The following PPFIA2 variants were observed in gnomAD, a reference collection of about 807,000 sequenced individuals.
PPFIA2 encodes PPFI scaffold protein A2.
Under a neutral mutation model 175.5 loss-of-function variants are expected in PPFIA2, and 46 were observed. That is an observed-to-expected ratio of 0.26 (90% CI 0.21 to 0.34). The LOEUF (loss-of-function observed/expected upper bound fraction) is 0.34, where lower values mean the gene tolerates loss of function less well. Ranked by LOEUF, PPFIA2 falls within the 10% of genes least tolerant of loss-of-function variation. The pLI, the probability that PPFIA2 is intolerant of heterozygous loss-of-function variation, is 1.00. For synonymous variants in PPFIA2, 568 were observed against 511.4 expected (o/e 1.11, Z -1.49); for missense variants, 1,179 against 1,506.1 (o/e 0.78, Z 3.60).
chr12:81,653,898 T>C (rs2067373766), intron 4 of PPFIA2, among the ~76,000 whole-genome samples: 1 of 152,020 alleles, frequency 6.6e-6, no homozygotes, highest in Non-Finnish European at 1.5e-5. Flanking sequence ...GTGGCATAGT[T>C]TGTATATAAT....
chr12:81,271,779 T>G (rs1838793091), intron 28 of PPFIA2, among the ~76,000 whole-genome samples: 1 of 152,190 alleles, frequency 6.6e-6, no homozygotes, highest in Admixed American at 6.5e-5. Context: ...ATTTAAGTCC[T>G]GCAGATATTA....
chr12:81,339,799 C>A (rs145372711), intron 20 of PPFIA2, among the ~76,000 whole-genome samples: 2 of 152,018 alleles, frequency 1.3e-5, no homozygotes, highest in African/African-American at 4.8e-5. Context: ...CTCTAGCCAT[C>A]GTTCCCTTTC....
At chr12:81,692,981 C>A (rs997466127) in intron 3 of PPFIA2, among the ~76,000 whole-genome samples, 1 of 151,916 alleles carries the variant, frequency 6.6e-6, no homozygotes, top group Non-Finnish European at 1.5e-5. Context: ...TAAAAAGCAA[C>A]TAATTTTTAG....
intron 19 of PPFIA2, among the ~76,000 whole-genome samples, chr12:81,344,320 GCATT>G (rs1484806342): frequency 1.3e-5 from 2 of 149,568 alleles, no homozygotes; most frequent in Non-Finnish European, 3.0e-5. Flanking sequence ...AAAACAACGA[GCATT>G]ATTTATTATA....
At chr12:81,610,878 G>A (rs553802240) in intron 4 of PPFIA2, among the ~76,000 whole-genome samples, 4 of 152,292 alleles carry the variant, frequency 2.6e-5, no homozygotes, top group South Asian at 2.1e-4. Flanking sequence ...TATAAGTTGA[G>A]TATAGTCAGT....
chr12:81,264,691 T>A (rs190397664), intron 30 of PPFIA2, among the ~76,000 whole-genome samples: 35 of 152,316 alleles, frequency 2.3e-4, no homozygotes, highest in African/African-American at 7.9e-4. Context: ...TTTTATATAA[T>A]AACATATATC....
chr12:81,286,254 G>A (rs1012554020), intron 24 of PPFIA2, among the ~76,000 whole-genome samples: 28 of 152,096 alleles, frequency 1.8e-4, no homozygotes, highest in Non-Finnish European at 2.9e-4. Context: ...GTTACCATAA[G>A]CTAAGGCTAA....
intron 4 of PPFIA2, among the ~76,000 whole-genome samples, chr12:81,506,437 T>A (rs375859857): frequency 6.6e-6 from 1 of 152,218 alleles, no homozygotes; most frequent in African/African-American, 2.4e-5. Flanking sequence ...TAGGTATATG[T>A]ATTTTCTCTA....
At chr12:81,652,167 C>A (rs1477395672) in intron 4 of PPFIA2, among the ~76,000 whole-genome samples, 1 of 149,842 alleles carries the variant, frequency 6.7e-6, no homozygotes, top group Non-Finnish European at 1.5e-5. Context: ...TTGAAATTGG[C>A]TATTTGTTTA....
At chr12:81,273,601 G>A (rs957838644) in intron 28 of PPFIA2, among the ~76,000 whole-genome samples, 4 of 152,116 alleles carry the variant, frequency 2.6e-5, no homozygotes, top group Non-Finnish European at 4.4e-5. Flanking sequence ...CTTTCTGTCT[G>A]TGCCAATCCA....
In PPFIA2 at chr12:81,686,553, T is replaced by G. The variant is rs372688866; in HGVS notation, c.250-9709A>C. Among the ~76,000 whole-genome samples the G allele has an allele frequency of 8.5e-5, 13 of 152,190 alleles. No individual in the cohort carries two copies. The East Asian group carries it at 2.1e-3, about 25-fold the overall frequency. ...TGTTTTGCTAATTCCTGACTCAGTC[T>G]CAATCAATTTCTGTTTTCCAACTTT... On this transcript the variant is annotated intron_variant, in intron 3 of 32. Coordinates refer to ENST00000549396, the MANE Select transcript of PPFIA2 (RefSeq NM_003625.5).
At chr12:81,462,550 G>A (rs977691545) in intron 4 of PPFIA2, among the ~76,000 whole-genome samples, 32 of 122,884 alleles carry the variant, frequency 2.6e-4, no homozygotes, top group Non-Finnish European at 4.3e-4. Flanking sequence ...GTATGTATAT[G>A]TGTGTGTGTA....
chr12:81,522,943 C>T (rs149735978), intron 4 of PPFIA2, among the ~76,000 whole-genome samples: 1 of 152,296 alleles, frequency 6.6e-6, no homozygotes, highest in African/African-American at 2.4e-5. Context: ...TTTCTCCCCA[C>T]ATTCACTCAA....
chr12:81,668,925 C>T (rs984215704), intron 4 of PPFIA2, among the ~76,000 whole-genome samples: 1 of 151,960 alleles, frequency 6.6e-6, no homozygotes, highest in South Asian at 2.1e-4. Flanking sequence ...AATCTGAGAC[C>T]TGTTATCATC....
At chr12:81,687,730 G>A (rs2074634551) in intron 3 of PPFIA2, among the ~76,000 whole-genome samples, 1 of 151,806 alleles carries the variant, frequency 6.6e-6, no homozygotes, top group Non-Finnish European at 1.5e-5. Context: ...CTATGTCCTA[G>A]TACACAAATT....
intron 20 of PPFIA2, among the ~76,000 whole-genome samples, chr12:81,340,824 C>T (rs2057918256): frequency 6.6e-6 from 1 of 151,892 alleles, no homozygotes; most frequent in Non-Finnish European, 1.5e-5. Context: ...AAAATATCCA[C>T]TAAAAAATAG....
chr12:81,593,998 G>T (rs944929343), intron 4 of PPFIA2, among the ~76,000 whole-genome samples: 1 of 152,072 alleles, frequency 6.6e-6, no homozygotes, highest in Admixed American at 6.6e-5. Context: ...TCACATTACC[G>T]CCTGAGCTCT....
chr12:81,612,856 C>A (rs2061067357), intron 4 of PPFIA2, among the ~76,000 whole-genome samples: 2 of 152,116 alleles, frequency 1.3e-5, no homozygotes, highest in African/African-American at 4.8e-5. Flanking sequence ...CATACACACA[C>A]ACAAATTTAA....
chr12:81,655,001 T>C (rs1245977862), intron 4 of PPFIA2, among the ~76,000 whole-genome samples: 2 of 152,102 alleles, frequency 1.3e-5, no homozygotes, highest in South Asian at 4.1e-4. Context: ...ATGTGAAGTA[T>C]CACCTGAATT....
Sources: allele counts gnomAD v4.1 joint callset (sites outside exome capture counted in the v4.1 genomes callset), GRCh38; gene constraint gnomAD v4.1.1; transcripts MANE v1.5; gene names NCBI Gene and HGNC (gene_info 2026-07-23, HGNC 2026-07-21).